The following PDE11A variants were observed in gnomAD, a reference collection of about 807,000 sequenced individuals.
PDE11A encodes the protein phosphodiesterase 11A.
A neutral mutation model predicts 100.5 loss-of-function variants in PDE11A; 100 were observed. That is an observed-to-expected ratio of 1.00 (90% CI 0.85 to 1.18). The LOEUF (loss-of-function observed/expected upper bound fraction) is 1.18. Ranked by LOEUF, PDE11A falls within the 50% of genes most tolerant of loss-of-function variation. The pLI, the probability that PDE11A is intolerant of heterozygous loss-of-function variation, is 0.00. For missense variants in PDE11A, 1,141 were observed against 1,152.6 expected, an observed-to-expected ratio of 0.99 and a Z score of 0.15; for synonymous variants, 381 against 420.8, an observed-to-expected ratio of 0.91 and a Z score of 1.16.
intron 2 of PDE11A, among the ~76,000 whole-genome samples, chr2:177,928,999 G>T (rs576707738): frequency 6.6e-6 from 1 of 151,480 alleles, no homozygotes; most frequent in Non-Finnish European, 1.5e-5. Context: ...AGGTCGACAT[G>T]GGGGGATGAT....
chr2:177,895,839 A>G (rs371617336), intron 4 of PDE11A, among the ~76,000 whole-genome samples: 15 of 152,310 alleles, frequency 9.8e-5, no homozygotes, highest in African/African-American at 3.6e-4. Flanking sequence ...TATACATTAC[A>G]AATTATACAT....
At chr2:177,808,633 T>C (rs766610666) in intron 9 of PDE11A, among the ~76,000 whole-genome samples, 1 of 152,292 alleles carries the variant, frequency 6.6e-6, no homozygotes, top group East Asian at 1.9e-4. Flanking sequence ...ACAGAACTAC[T>C]TGGAGAACCT....
chr2:177,949,482 A>C (rs904920549), intron 2 of PDE11A, among the ~76,000 whole-genome samples: 1 of 152,134 alleles, frequency 6.6e-6, no homozygotes, highest in African/African-American at 2.4e-5. Context: ...TTATTTGAGT[A>C]GGCATCTGGA....
At chr2:177,943,029 C>T (rs542674376) in intron 2 of PDE11A, among the ~76,000 whole-genome samples, 4 of 152,276 alleles carry the variant, frequency 2.6e-5, no homozygotes, top group Admixed American at 6.5e-5. Flanking sequence ...CCATTCATGT[C>T]GTAGCATGTA....
intron 4 of PDE11A, among the ~76,000 whole-genome samples, chr2:177,880,340 G>A (rs2084310119): frequency 6.6e-6 from 1 of 152,166 alleles, no homozygotes; most frequent in African/African-American, 2.4e-5. Context: ...TCAGCCGCAT[G>A]GGCAGGTCAA....
Position 177,680,833 on chromosome 2 carries a change from T to C in PDE11A, c.2416A>G (p.Ile806Val), listed in dbSNP as rs549357707. 6 of 1,562,288 alleles carry C rather than the reference T, an allele frequency of 3.8e-6. No homozygotes were observed. In the Admixed American group the frequency reaches 5.0e-5, roughly 13 times the overall value. The change falls in exon 16 of 20, where the codon ATA (isoleucine) becomes GTA (valine). Residue 806 changes from isoleucine (I) to valine (V), a missense_variant. Physicochemically the swap from Ile to Val is conservative, Grantham distance 29 (BLOSUM62 3). Coordinates refer to ENST00000286063, the MANE Select transcript of PDE11A (RefSeq NM_016953.4). ...ACAAGAGCTTTTTCTTACCGAAATATATCACGATGGTTTTTGATGTTCCAA... is the reference window on the plus strand; with the variant it reads ...ACAAGAGCTTTTTCTTACCGAAATACATCACGATGGTTTTTGATGTTCCAA... Reference protein sequence around the residue: ...YDWNIKNHRDIFRSMLMTACD... With the variant: ...YDWNIKNHRDVFRSMLMTACD...
chr2:177,725,351 C>A (rs113020985), intron 12 of PDE11A, among the ~76,000 whole-genome samples: 206 of 152,218 alleles, frequency 1.4e-3, no homozygotes, highest in Non-Finnish European at 2.6e-3. Flanking sequence ...CTGACTGTAA[C>A]CCTTAGTTAA....
At chr2:177,638,812 T>C (rs1302653946) in intron 19 of PDE11A, among the ~76,000 whole-genome samples, 1 of 152,236 alleles carries the variant, frequency 6.6e-6, no homozygotes, top group African/African-American at 2.4e-5. Context: ...AAGGCTTTTC[T>C]TGGGTACTCT....
intron 5 of PDE11A, among the ~76,000 whole-genome samples, chr2:177,851,148 A>G (rs2083693787): frequency 6.6e-6 from 1 of 152,200 alleles, no homozygotes; most frequent in Non-Finnish European, 1.5e-5. Flanking sequence ...AATGTCCAAC[A>G]ACGATAGACT....
At chr2:177,896,736 G>C (rs1019514711) in intron 4 of PDE11A, among the ~76,000 whole-genome samples, 6 of 152,198 alleles carry the variant, frequency 3.9e-5, no homozygotes, top group Non-Finnish European at 7.3e-5. Flanking sequence ...ATTATAGGAT[G>C]ATAGTAACAC....
At chr2:177,791,413 G>C (rs1319121426) in intron 9 of PDE11A, among the ~76,000 whole-genome samples, 1 of 147,594 alleles carries the variant, frequency 6.8e-6, no homozygotes, top group Non-Finnish European at 1.5e-5. Context: ...GGGAGGGATA[G>C]CATTAGGAGA....
chr2:177,992,393 C>T (rs1230156698), intron 2 of PDE11A, among the ~76,000 whole-genome samples: 6 of 144,766 alleles, frequency 4.1e-5, no homozygotes, highest in Non-Finnish European at 9.2e-5. Flanking sequence ...ACTGTCAAAA[C>T]GCCTGCATCA....
At chr2:177,849,623 A>T (rs2083661919) in intron 5 of PDE11A, among the ~76,000 whole-genome samples, 7 of 150,684 alleles carry the variant, frequency 4.6e-5, no homozygotes, top group Admixed American at 4.6e-4. Context: ...TTATTTATTT[A>T]TTTATTATTA....
intron 2 of PDE11A, among the ~76,000 whole-genome samples, chr2:177,949,333 C>T (rs577175858): frequency 6.6e-6 from 1 of 152,102 alleles, no homozygotes; most frequent in Non-Finnish European, 1.5e-5. Context: ...ATTTGAGAAA[C>T]ACAGAAAAGC....
chr2:177,934,375 T>C (rs2085247359), intron 2 of PDE11A, among the ~76,000 whole-genome samples: 1 of 151,866 alleles, frequency 6.6e-6, no homozygotes, highest in African/African-American at 2.4e-5. Flanking sequence ...CCAAGAAACA[T>C]GTAAAAAAAT....
intron 19 of PDE11A, among the ~76,000 whole-genome samples, chr2:177,634,949 C>T (rs112155698): frequency 1.3e-5 from 2 of 152,124 alleles, no homozygotes; most frequent in African/African-American, 2.4e-5. Context: ...GGAAACTTAG[C>T]ACCCATCTGA....
Position 177,629,574 on chromosome 2 carries a change from C to A in PDE11A, c.2647-12G>T. On this transcript the variant is annotated splice_polypyrimidine_tract_variant and intron_variant, in intron 19 of 19. Transcript: ENST00000286063. ...ACCTTCACCAGTGCCTAAAACAAAA[C>A]AAAACAAAACACAGGTGGAGGAGAG... The A allele has an allele frequency of 6.3e-7, 1 of 1,596,260 alleles. No homozygotes were observed. Among genetic ancestry groups the A allele is most frequent in the Non-Finnish European group, 8.6e-7 (1 of 1,169,388 alleles).
intron 2 of PDE11A, among the ~76,000 whole-genome samples, chr2:177,957,045 G>A (rs1281358595): frequency 2.0e-5 from 3 of 150,120 alleles, no homozygotes; most frequent in African/African-American, 7.4e-5. Context: ...AAAACTTAAA[G>A]TATAATAATA....
intron 2 of PDE11A, among the ~76,000 whole-genome samples, chr2:177,979,582 T>G (rs1225512814): frequency 6.8e-6 from 1 of 147,712 alleles, no homozygotes; most frequent in Non-Finnish European, 1.5e-5. Flanking sequence ...GCTTTATTAC[T>G]CAAGTGTGAA....
Sources: allele counts gnomAD v4.1 joint callset (sites outside exome capture counted in the v4.1 genomes callset), GRCh38; gene constraint gnomAD v4.1.1; transcripts MANE v1.5; gene names NCBI Gene and HGNC (gene_info 2026-07-23, HGNC 2026-07-21).